The following KIF16B variants were observed in gnomAD, a reference collection of about 807,000 sequenced individuals.
The protein encoded by KIF16B is kinesin-like protein KIF16B.
Under a neutral mutation model 156.3 loss-of-function variants are expected in KIF16B, and 98 were observed. That is an observed-to-expected ratio of 0.63 (90% CI 0.53 to 0.74). The LOEUF (loss-of-function observed/expected upper bound fraction) is 0.74. Ranked by LOEUF, KIF16B falls within the 30% of genes least tolerant of loss-of-function variation. KIF16B has a pLI of 0.00. For synonymous variants in KIF16B, 564 were observed against 583.7 expected (o/e 0.97, Z 0.49); for missense variants, 1,421 against 1,606.5 (o/e 0.88, Z 1.97).
chr20:16,390,382 C>T (rs78325709), intron 17 of KIF16B, among the ~76,000 whole-genome samples: 3,640 of 152,212 alleles, frequency 0.024, 159 homozygotes, highest in African/African-American at 0.084. Flanking sequence ...ACAGCTAGGA[C>T]CATAGATGTG....
chr20:16,333,775 T>C (rs778860203), intron 24 of KIF16B, among the ~76,000 whole-genome samples: 38 of 152,230 alleles, frequency 2.5e-4, no homozygotes, highest in Non-Finnish European at 4.9e-4. Context: ...ATTGGTGCTC[T>C]GAAAACTCTT....
chr20:16,315,173 G>A (rs766733382), intron 24 of KIF16B, among the ~76,000 whole-genome samples: 5 of 152,134 alleles, frequency 3.3e-5, no homozygotes, highest in East Asian at 1.9e-4. Flanking sequence ...CAACAGTGGC[G>A]TTCCCTCTCC....
At chr20:16,403,263 T>C (rs1194055642) in intron 17 of KIF16B, among the ~76,000 whole-genome samples, 20 of 152,222 alleles carry the variant, frequency 1.3e-4, no homozygotes, top group Admixed American at 1.3e-3. Context: ...CACACTATTT[T>C]AGCTGAAATT....
chr20:16,337,873 C>T (rs991872041), intron 23 of KIF16B, among the ~76,000 whole-genome samples: 7 of 152,192 alleles, frequency 4.6e-5, no homozygotes, highest in African/African-American at 1.2e-4. Context: ...CATGCTGCAG[C>T]CTGTTTGCAC....
At chr20:16,558,630 C>T (rs1361716513) in intron 1 of KIF16B, among the ~76,000 whole-genome samples, 3 of 152,176 alleles carry the variant, frequency 2.0e-5, no homozygotes, top group Admixed American at 1.3e-4. Context: ...AGGGTGGGTG[C>T]GATGGCTCAC....
At chr20:16,321,081 T>A (rs1017123102) in intron 24 of KIF16B, among the ~76,000 whole-genome samples, 7 of 152,148 alleles carry the variant, frequency 4.6e-5, no homozygotes, top group Admixed American at 4.6e-4. Context: ...TTCACTCTTT[T>A]CCCTATTCTT....
rs531088406 is a variant in KIF16B at position 16,571,776 on chromosome 20, TCCA to T, written c.47+1450_47+1452del. 5.1e-4 allele frequency among the ~76,000 whole-genome samples: 78 copies of T among 151,988 alleles called. No individual in the cohort carries two copies. In the Middle Eastern group the frequency reaches 0.01, roughly 20 times the overall value. On this transcript the variant is annotated intron_variant, in intron 1 of 25. Transcript: ENST00000354981. ...TCACGAGTAGCTGGGACTACAGGCG[TCCA>T]CCACCACGCCCGGCTAATTTTTTGT...
Position 16,397,835 on chromosome 20 carries a change from G to GAGATAGAAA in KIF16B, c.1784+6977_1784+6978insTTTCTATCT, listed in dbSNP as rs1249031041. On this transcript the variant is annotated intron_variant, in intron 17 of 25. Transcript: ENST00000354981. ...GTGGAGATAGAAAACAGCACACAGG[G>GAGATAGAAA]ACCACTGACAAAAGACCTGGGCAGA... Among the ~76,000 whole-genome samples, 9 of 152,334 alleles carry GAGATAGAAA rather than the reference G, an allele frequency of 5.9e-5. No individual in the cohort carries two copies. In the East Asian group the frequency reaches 1.7e-3, roughly 29 times the overall value.
chr20:16,296,038 C>T (rs540153452), intron 25 of KIF16B, among the ~76,000 whole-genome samples: 1 of 152,324 alleles, frequency 6.6e-6, no homozygotes, highest in South Asian at 2.1e-4. Context: ...TAATTAAGAG[C>T]TTCAGTTTCA....
chr20:16,490,477 G>T (rs11907297), intron 12 of KIF16B, among the ~76,000 whole-genome samples: 8,425 of 152,124 alleles, frequency 0.055, 479 homozygotes, highest in African/African-American at 0.15. Flanking sequence ...GGAGGTAGAG[G>T]TTGCAGTGAG....
chr20:16,327,925 G>A (rs1184749209), intron 24 of KIF16B, among the ~76,000 whole-genome samples: 1 of 152,080 alleles, frequency 6.6e-6, no homozygotes, highest in Non-Finnish European at 1.5e-5. Flanking sequence ...TTTGGGTGGT[G>A]AGCAGATTTG....
intron 1 of KIF16B, among the ~76,000 whole-genome samples, chr20:16,565,620 T>C (rs1479223485): frequency 6.6e-6 from 1 of 152,184 alleles, no homozygotes; most frequent in Non-Finnish European, 1.5e-5. Flanking sequence ...CTTTCTGCTT[T>C]ACCCTTCCTG....
At chr20:16,458,423 T>C (rs2067265628) in intron 12 of KIF16B, among the ~76,000 whole-genome samples, 1 of 152,140 alleles carries the variant, frequency 6.6e-6, no homozygotes, top group African/African-American at 2.4e-5. Flanking sequence ...CAAATTCTAT[T>C]ATAAAAGTCC....
chr20:16,361,524 A>AAG (rs2064552411), intron 22 of KIF16B, among the ~76,000 whole-genome samples: 1 of 152,226 alleles, frequency 6.6e-6, no homozygotes. Context: ...GGATTTTGCC[A>AAG]AGACGTGGCC....
At chr20:16,476,791 G>A (rs545400006) in intron 12 of KIF16B, among the ~76,000 whole-genome samples, 3 of 152,162 alleles carry the variant, frequency 2.0e-5, no homozygotes, top group Admixed American at 6.5e-5. Context: ...ACAGAGTCTC[G>A]CTCTGTCGCC....
intron 12 of KIF16B, among the ~76,000 whole-genome samples, chr20:16,485,627 T>C (rs2068092645): frequency 6.6e-6 from 1 of 152,224 alleles, no homozygotes; most frequent in Non-Finnish European, 1.5e-5. Context: ...ATGAACTCAT[T>C]CCTCCAAACA....
At chr20:16,560,389 C>T (rs2071012919) in intron 1 of KIF16B, among the ~76,000 whole-genome samples, 1 of 152,204 alleles carries the variant, frequency 6.6e-6, no homozygotes, top group African/African-American at 2.4e-5. Flanking sequence ...CCTGTGATGG[C>T]TTAGACTTTG....
intron 2 of KIF16B, 28 bp downstream of exon 2, chr20:16,528,343 A>G: frequency 1.9e-6 from 3 of 1,583,290 alleles, no homozygotes; most frequent in Middle Eastern, 1.7e-4. Flanking sequence ...GGCTCTTGGA[A>G]CTTAAGCAAG....
intron 11 of KIF16B, among the ~76,000 whole-genome samples, chr20:16,496,159 G>A (rs1043354725): frequency 7.9e-4 from 120 of 152,258 alleles, no homozygotes; most frequent in Non-Finnish European, 1.4e-3. Flanking sequence ...TTCAGAGAAG[G>A]AATATTCTTA....
Sources: allele counts gnomAD v4.1 joint callset (sites outside exome capture counted in the v4.1 genomes callset), GRCh38; gene constraint gnomAD v4.1.1; transcripts MANE v1.5; gene names NCBI Gene and HGNC (gene_info 2026-07-23, HGNC 2026-07-21).